The following LRP3 variants were observed in gnomAD, a reference collection of about 807,000 sequenced individuals.
LRP3 encodes the protein LDL receptor related protein 3, also known as low-density lipoprotein receptor-related protein 3.
LRP3 carries 49 observed loss-of-function variants against 58.5 expected under a neutral mutation model. The observed-to-expected ratio is 0.84, with a 90% confidence interval of 0.67 to 1.06. The LOEUF is 1.06. LRP3 is among the 50% of genes least tolerant of loss of function. LRP3 has a pLI of 0.00. For synonymous variants in LRP3, 485 were observed against 492.2 expected, an observed-to-expected ratio of 0.99 and a Z score of 0.20; for missense variants, 1,019 against 1,134.2, an observed-to-expected ratio of 0.90 and a Z score of 1.46.
Position 33,206,320 on chromosome 19 carries a change from G to T in LRP3, c.1550G>T (p.Gly517Val), listed in dbSNP as rs1285145598. ...VCGLLLVIAL[G>V]CAFKLYSLRT... The stretch of plus-strand genomic sequence containing the variant: ...GGCCTGCTGCTGGTCATCGCGCTGG[G>T]CTGCGCCTTCAAGCTCTACTCACTG... The change falls in exon 5 of 7, where the codon GGC (glycine) becomes GTC (valine). Residue 517 changes from glycine (G) to valine (V), a missense_variant. Around this residue, in one of 2 missense-constraint regions of LRP3, gnomAD observed 427 missense variants for 408.6 expected, o/e 1.04. Coordinates refer to ENST00000253193, the MANE Select transcript of LRP3 (RefSeq NM_002333.4). 6.2e-7 allele frequency: 1 copy of T among 1,600,560 alleles called. No homozygotes were observed. Among genetic ancestry groups the T allele is most frequent in the Non-Finnish European group, 8.5e-7 (1 of 1,173,666 alleles).
At chr19:33,199,984 C>T (rs1350561744) in intron 2 of LRP3, among the ~76,000 whole-genome samples, 1 of 152,180 alleles carries the variant, frequency 6.6e-6, no homozygotes, top group Non-Finnish European at 1.5e-5. Flanking sequence ...ATGGACAGCG[C>T]CTTGCCCTGC....
Position 33,207,757 on chromosome 19 carries a change from GGGA to G in LRP3, c.*184_*186del. The G allele has an allele frequency of 1.7e-6, 1 of 599,080 alleles. No homozygotes were observed. Among genetic ancestry groups the G allele is most frequent in the Non-Finnish European group, 3.0e-6 (1 of 337,476 alleles). 37.1% of individuals were successfully genotyped at this position (599,080 alleles called of 1,614,324 possible). A position where few individuals can be genotyped will look rare whatever the true frequency, so the allele number is the denominator to read the frequency against. ...GGAGCTGTGGGACTGAACGGCGGGG[GGGA>G]GAAGAGTGGAGTGGTGAGCCCGTCT... On this transcript the variant is annotated 3_prime_UTR_variant, in exon 7 of 7. Transcript: ENST00000253193.
In LRP3 at chr19:33,206,172, ATCT is replaced by A. The variant is rs1303763989; in HGVS notation, c.1405_1407del (p.Phe469del). On this transcript the variant is annotated inframe_deletion, in exon 5 of 7. Transcript: ENST00000253193. Reference sequence around the variant, plus strand: ...CTTCCACTGCGGTACCAACCTGTGCATCTTCGAGACGTGGCGCTGTGACGGCCA... The same window carrying A: ...CTTCCACTGCGGTACCAACCTGTGCATCGAGACGTGGCGCTGTGACGGCCA... The A allele has an allele frequency of 1.3e-6, 2 of 1,597,882 alleles. No homozygotes were observed. Among genetic ancestry groups the A allele is most frequent in the South Asian group, 2.2e-5 (2 of 90,670 alleles).
At chr19:33,199,171 T>C (rs563830161) in intron 2 of LRP3, among the ~76,000 whole-genome samples, 3 of 152,188 alleles carry the variant, frequency 2.0e-5, no homozygotes, top group African/African-American at 7.2e-5. Flanking sequence ...CATGCAGTCC[T>C]CCCATCTGCC....
chr19:33,204,307 T>G, intron 3 of LRP3: 1 of 333,998 alleles, frequency 3.0e-6, no homozygotes. Context: ...GGCAGGGGGC[T>G]CTTGACTTCC....
intron 2 of LRP3, 25 bp from the exon 3 acceptor site, chr19:33,202,823 C>G: frequency 6.3e-7 from 1 of 1,587,918 alleles, no homozygotes; most frequent in Non-Finnish European, 8.6e-7. Context: ...ATGGGCCGGC[C>G]TTTCTCGGCC....
At chr19:33,201,268 T>C (rs1974338420) in intron 2 of LRP3, among the ~76,000 whole-genome samples, 1 of 152,204 alleles carries the variant, frequency 6.6e-6, no homozygotes, top group Admixed American at 6.5e-5. Flanking sequence ...CCCGGAGGGC[T>C]TCCCTGGGAA....
chr19:33,196,848 C>G, intron 2 of LRP3, 71 bp downstream of exon 2: 1 of 1,350,984 alleles, frequency 7.4e-7, no homozygotes, highest in South Asian at 1.2e-5. Flanking sequence ...TGAAGACAGG[C>G]CTTCAGGGTC....
chr19:33,195,323 G>A (rs2145446286), intron 1 of LRP3, among the ~76,000 whole-genome samples: 1 of 152,364 alleles, frequency 6.6e-6, no homozygotes, highest in South Asian at 2.1e-4. Context: ...TGTGGAGGCG[G>A]CTTCCAGGGG....
Position 33,194,675 on chromosome 19 carries a change from TAGCCCG to T in LRP3, c.-94_-89del, listed in dbSNP as rs925648791. Reference sequence around the variant, plus strand: ...GCCACGCCAGCCGGAGCCCGAGCCCTAGCCCGAGCCCGAGCCCGAGCCGCAGCCAGA... The same window carrying T: ...GCCACGCCAGCCGGAGCCCGAGCCCTAGCCCGAGCCCGAGCCGCAGCCAGA... On this transcript the variant is annotated 5_prime_UTR_variant, in exon 1 of 7. Transcript: ENST00000253193. 14 of 211,298 alleles carry T rather than the reference TAGCCCG, an allele frequency of 6.6e-5. No homozygotes were observed. Among genetic ancestry groups the T allele is most frequent in the Non-Finnish European group, 9.0e-5 (12 of 133,624 alleles). The allele number at this position is 211,298 out of a possible 1,614,324, so 13.1% of individuals were successfully genotyped here. A position where few individuals can be genotyped will look rare whatever the true frequency, so the allele number is the denominator to read the frequency against.
chr19:33,206,071 C>T lies in LRP3; in HGVS notation c.1301C>T (p.Ala434Val), dbSNP rs1974404992. 6.2e-7 allele frequency: 1 copy of T among 1,606,624 alleles called. No individual in the cohort carries two copies. The change falls in exon 5 of 7, where the codon GCC (alanine) becomes GTC (valine). Residue 434 changes from alanine to valine, a missense_variant. Coordinates refer to ENST00000253193, the MANE Select transcript of LRP3 (RefSeq NM_002333.4). Reference protein sequence around the residue: ...EGGSGLCYTPADRCNNQKSCP... With the variant: ...EGGSGLCYTPVDRCNNQKSCP... The stretch of plus-strand genomic sequence containing the variant: ...GGCAGTGGTCTGTGCTACACGCCTG[C>T]CGACCGCTGCAACAACCAGAAAAGC...
Position 33,208,655 on chromosome 19 carries a change from A to G in LRP3, c.*1080A>G. The G allele has an allele frequency of 1.7e-6, 1 of 580,936 alleles. No homozygotes were observed. The highest frequency in any genetic ancestry group is 3.0e-6 in the Non-Finnish European group (1 of 330,934). The allele number at this position is 580,936 out of a possible 1,614,324, so 36.0% of individuals were successfully genotyped here. The stretch of plus-strand genomic sequence containing the variant: ...TCTGTGCCCATCAGGGACTCCCCAT[A>G]GCACGAGCGAACAGCCAGCCCTGTT... On this transcript the variant is annotated 3_prime_UTR_variant, in exon 7 of 7. Coordinates refer to ENST00000253193, the MANE Select transcript of LRP3 (RefSeq NM_002333.4). The surrounding 1 kb of genome is among the most constrained non-coding windows in gnomAD (Gnocchi z 4.7).
chr19:33,194,630 C>A lies in LRP3; in HGVS notation c.-156C>A. On this transcript the variant is annotated 5_prime_UTR_variant, in exon 1 of 7. Transcript: ENST00000253193. ...CACAAAGACGCCTCGGGAGCCGCCG[C>A]CTGCACCCGGGCCGCAGCAGCCACG... is the stretch of plus-strand genomic sequence containing the variant. The A allele has an allele frequency of 6.1e-6, 1 of 163,076 alleles. No homozygotes were observed. Among genetic ancestry groups the A allele is most frequent in the Non-Finnish European group, 1.3e-5 (1 of 79,026 alleles). The allele number at this position is 163,076 out of a possible 1,614,324, so 10.1% of individuals were successfully genotyped here. A position where few individuals can be genotyped will look rare whatever the true frequency, so the allele number is the denominator to read the frequency against.
chr19:33,208,667 C>G lies in LRP3; in HGVS notation c.*1092C>G. ...AGGGACTCCCCATAGCACGAGCGAA[C>G]AGCCAGCCCTGTTTATTTATAGGCC... On this transcript the variant is annotated 3_prime_UTR_variant, in exon 7 of 7. Transcript: ENST00000253193. This position sits in a 1 kb window ranked among gnomAD's most constrained non-coding sequence, Gnocchi z 4.7. 1.6e-6 allele frequency: 1 copy of G among 609,724 alleles called. No homozygotes were observed. Among genetic ancestry groups the G allele is most frequent in the Non-Finnish European group, 2.8e-6 (1 of 352,518 alleles). 37.8% of individuals were successfully genotyped at this position (609,724 alleles called of 1,614,324 possible). A position where few individuals can be genotyped will look rare whatever the true frequency, so the allele number is the denominator to read the frequency against.
rs1974261601 is a variant in LRP3 at position 33,194,392 on chromosome 19, G to A, written c.-394G>A. ...GGGCGGGCTGGGCGCAGCGCGGGGCGGCCCGGGGACGCCGGGGCCGGGCGG... is the reference window on the plus strand; with the variant it reads ...GGGCGGGCTGGGCGCAGCGCGGGGCAGCCCGGGGACGCCGGGGCCGGGCGG... On this transcript the variant is annotated 5_prime_UTR_variant, in exon 1 of 7. Coordinates refer to ENST00000253193, the MANE Select transcript of LRP3 (RefSeq NM_002333.4). Among the ~76,000 whole-genome samples the A allele has an allele frequency of 1.4e-5, 2 of 145,140 alleles. No homozygotes were observed. The highest frequency in any genetic ancestry group is 4.9e-5 in the African/African-American group (2 of 40,536).
At position 33,207,038 on chromosome 19, in the gene LRP3, G is replaced by T; in HGVS notation, c.1776G>T (p.Arg592=). 6.7e-7 allele frequency: 1 copy of T among 1,484,014 alleles called. No individual in the cohort carries two copies. Among genetic ancestry groups the T allele is most frequent in the Non-Finnish European group, 8.9e-7 (1 of 1,122,930 alleles). 91.9% of individuals were successfully genotyped at this position (1,484,014 alleles called of 1,614,324 possible). ...LRTAMRRQMR[R]HASRRGPSRR... is the part of the protein sequence containing the mutation. ...CAGCCATGCGGAGACAGATGCGTCG[G>T]CACGCCTCCCGCCGGGGGCCCTCCC... The change falls in exon 7 of 7, where the codon CGG becomes CGT. Residue 592 remains arginine (R), a synonymous_variant. Coordinates refer to ENST00000253193, the MANE Select transcript of LRP3 (RefSeq NM_002333.4).
Position 33,202,306 on chromosome 19 carries a change from C to G in LRP3, c.122-542C>G, listed in dbSNP as rs547134311. Reference sequence around the variant, plus strand: ...GTTCTGCGTAAAGTTCGTCTGCTCCCACCCCCAGCCTATGAGTTCCATAGA... The same window carrying G: ...GTTCTGCGTAAAGTTCGTCTGCTCCGACCCCCAGCCTATGAGTTCCATAGA... On this transcript the variant is annotated intron_variant, in intron 2 of 6. Transcript: ENST00000253193. Among the ~76,000 whole-genome samples, 3 of 152,358 alleles carry G rather than the reference C, an allele frequency of 2.0e-5. No homozygotes were observed. In the East Asian group the frequency reaches 5.8e-4, roughly 29 times the overall value.
In LRP3 at chr19:33,206,066, G is replaced by A. The variant is rs768960755; in HGVS notation, c.1296G>A (p.Thr432=). Residue 432 remains threonine (T), a synonymous_variant, in exon 5 of 7, where the codon ACG becomes ACA. Transcript: ENST00000253193. ...AGGGTGGCAGTGGTCTGTGCTACAC[G>A]CCTGCCGACCGCTGCAACAACCAGA... ...PCEGGSGLCY[T]PADRCNNQKS... 33 of 1,605,602 alleles carry A rather than the reference G, an allele frequency of 2.1e-5. 1 individual carries two copies. The Admixed American group carries it at 4.2e-4, about 21-fold the overall frequency.
At chr19:33,195,705 T>G (rs60699274) in intron 1 of LRP3, among the ~76,000 whole-genome samples, 19,606 of 152,242 alleles carry the variant, frequency 0.13, 4,263 homozygotes, top group African/African-American at 0.45. Flanking sequence ...TGGCAGGCCC[T>G]TGCCCCAGCT....
Sources: allele counts gnomAD v4.1 joint callset (sites outside exome capture counted in the v4.1 genomes callset), GRCh38; gene constraint gnomAD v4.1.1; regional missense constraint gnomAD v4.1.1; non-coding constraint Gnocchi (gnomAD v3.1); transcripts MANE v1.5; gene names NCBI Gene and HGNC (gene_info 2026-07-23, HGNC 2026-07-21).